Variants in NPY observed in about 807,000 individuals in gnomAD.
NPY encodes the protein neuropeptide Y, also known as pro-neuropeptide Y.
In NPY, 11 loss-of-function variants were observed where a neutral mutation model predicts 13.2. The observed-to-expected ratio is 0.83, with a 90% CI of 0.52 to 1.38. The LOEUF is 1.38. NPY is among the 40% of genes most tolerant of loss of function. The pLI, the probability that NPY is intolerant of heterozygous loss-of-function variation, is 0.00. For missense variants in NPY, 109 were observed against 125.1 expected (o/e 0.87, Z 0.61); for synonymous variants, 51 against 55.6 (o/e 0.92, Z 0.37).
chr7:24,288,711 A>G (rs1427927976), intron 2 of NPY, among the ~76,000 whole-genome samples: 1 of 144,362 alleles, frequency 6.9e-6, no homozygotes, highest in East Asian at 2.0e-4. Context: ...AAAAAAAAAG[A>G]ACATTTCCAT....
rs1248335278 is a variant in NPY, at chr7:24,285,714, T to G, written c.188+286T>G. The stretch of plus-strand genomic sequence containing the variant: ...CTCTCACTCACCTCTTATGGTTTGT[T>G]GTGGTTCTTACGGCAGTGGGGCCCG... On this transcript the variant is annotated intron_variant, in intron 2 of 3. Transcript: ENST00000242152. This position sits in a 1 kb window ranked among gnomAD's most constrained non-coding sequence, Gnocchi z 4.9. Among the ~76,000 whole-genome samples the G allele has an allele frequency of 6.6e-6, 1 of 152,050 alleles. No individual in the cohort carries two copies. Among genetic ancestry groups the G allele is most frequent in the Non-Finnish European group, 1.5e-5 (1 of 67,990 alleles).
intron 2 of NPY, among the ~76,000 whole-genome samples, chr7:24,288,419 G>A (rs1787470807): frequency 6.6e-6 from 1 of 152,044 alleles, no homozygotes; most frequent in Non-Finnish European, 1.5e-5. Context: ...AATTTTGCTT[G>A]GCAATTAGAA....
chr7:24,284,512 G>A lies in NPY; in HGVS notation c.-1+237G>A, dbSNP rs16144. ...ACGGCCCTTCTCCCGGGCCCTTCCCGCTGGGCGGTTCTTCTGAGTTACCTT... is the reference window on the plus strand; with the variant it reads ...ACGGCCCTTCTCCCGGGCCCTTCCCACTGGGCGGTTCTTCTGAGTTACCTT... On this transcript the variant is annotated intron_variant, in intron 1 of 3. Transcript: ENST00000242152. Among the ~76,000 whole-genome samples the A allele has an allele frequency of 2.4e-4, 36 of 152,286 alleles. No individual in the cohort carries two copies. In the East Asian group the frequency reaches 6.6e-3, roughly 28 times the overall value.
In NPY at chr7:24,285,994, T is replaced by C. The variant is rs1787359800; in HGVS notation, c.188+566T>C. ...TCTTCACTGTGTTTTTTTTGCAGTCTCACTCCCATATTTGAAAATTCTAGT... is the reference window on the plus strand; with the variant it reads ...TCTTCACTGTGTTTTTTTTGCAGTCCCACTCCCATATTTGAAAATTCTAGT... On this transcript the variant is annotated intron_variant, in intron 2 of 3. Transcript: ENST00000242152. This position sits in a 1 kb window ranked among gnomAD's most constrained non-coding sequence, Gnocchi z 4.9. Among the ~76,000 whole-genome samples, 4 of 152,328 alleles carry C rather than the reference T, an allele frequency of 2.6e-5. No homozygotes were observed. In the South Asian group the frequency reaches 8.3e-4, roughly 32 times the overall value.
At chr7:24,289,406 G>C in intron 2 of NPY, 93 bp from the exon 3 acceptor site, 1 of 794,474 alleles carries the variant, frequency 1.3e-6, no homozygotes, top group South Asian at 1.9e-5. Flanking sequence ...ATAATGTTTA[G>C]TTTTCATATC....
chr7:24,285,301 T>A lies in NPY; in HGVS notation c.61T>A (p.Cys21Ser). 1.2e-6 allele frequency: 2 copies of A among 1,614,078 alleles called. No homozygotes were observed. The highest frequency in any genetic ancestry group is 1.7e-6 in the Non-Finnish European group (2 of 1,180,008). The change falls in exon 2 of 4, where the codon TGC becomes AGC. Residue 21 changes from cysteine (C) to serine (S), a missense_variant. Coordinates refer to ENST00000242152, the MANE Select transcript of NPY (RefSeq NM_000905.4). This position sits in a 1 kb window ranked among gnomAD's most constrained non-coding sequence, Gnocchi z 4.9. ...GACCCTCGCCCTGTCCCTGCTCGTGTGCCTGGGTGCGCTGGCCGAGGCGTA... is the reference window on the plus strand; with the variant it reads ...GACCCTCGCCCTGTCCCTGCTCGTGAGCCTGGGTGCGCTGGCCGAGGCGTA... ...GLTLALSLLV[C>S]LGALAEAYPS...
rs1226209127 is a variant in NPY, at chr7:24,291,242, TTA to T, written c.270-418_270-417del. ...GTGCTATTTTATTATAAAGGTCTTA[TTA>T]TAGTCTAATAAGTAGCATCTTACTA... On this transcript the variant is annotated intron_variant, in intron 3 of 3. Transcript: ENST00000242152. Among the ~76,000 whole-genome samples, 687 of 150,784 alleles carry T rather than the reference TTA, an allele frequency of 4.6e-3. 38 individuals are homozygous for T. The East Asian group carries it at 0.1, about 22-fold the overall frequency.
chr7:24,285,137 G>C lies in NPY; in HGVS notation c.1-104G>C. The C allele has an allele frequency of 8.5e-7, 1 of 1,175,202 alleles. No homozygotes were observed. Among genetic ancestry groups the C allele is most frequent in the Non-Finnish European group, 1.3e-6 (1 of 799,760 alleles). 72.8% of individuals were successfully genotyped at this position (1,175,202 alleles called of 1,614,324 possible). A position where few individuals can be genotyped will look rare whatever the true frequency, so the allele number is the denominator to read the frequency against. ...CTGGGACGAGAGCGGATTGGGGGTC[G>C]CGTGTGGTAGCAGGAGGAGGAGCGC... On this transcript the variant is annotated intron_variant, in intron 1 of 3. Transcript: ENST00000242152. This position sits in a 1 kb window ranked among gnomAD's most constrained non-coding sequence, Gnocchi z 4.9.
chr7:24,290,367 C>T (rs1055446308), intron 3 of NPY, among the ~76,000 whole-genome samples: 3 of 152,116 alleles, frequency 2.0e-5, no homozygotes, highest in Non-Finnish European at 4.4e-5. Context: ...GATCATAGTT[C>T]ACAGGGTCCA....
chr7:24,287,126 G>C (rs1787419097), intron 2 of NPY, among the ~76,000 whole-genome samples: 1 of 152,164 alleles, frequency 6.6e-6, no homozygotes, highest in Non-Finnish European at 1.5e-5. Flanking sequence ...AGTGTCTTTG[G>C]ATGTTGTCAC....
chr7:24,291,656 T>G lies in NPY; in HGVS notation c.270-7T>G. ...TCCTTACATGCTTTGCTTCTTATGT[T>G]TTACAGGCTTGAAGACCCTGCAATG... On this transcript the variant is annotated splice_region_variant and splice_polypyrimidine_tract_variant and intron_variant, in intron 3 of 3. Coordinates refer to ENST00000242152, the MANE Select transcript of NPY (RefSeq NM_000905.4). The G allele has an allele frequency of 6.2e-7, 1 of 1,614,100 alleles. No individual in the cohort carries two copies. The highest frequency in any genetic ancestry group is 2.2e-5 in the East Asian group (1 of 44,886).
chr7:24,285,219 G>T lies in NPY; in HGVS notation c.1-22G>T. ...GTGCTCTGAATCCCCAAGCCCGTCC[G>T]TTGAGCCTTCTGTGCCTGCAGATGC... On this transcript the variant is annotated intron_variant, in intron 1 of 3. Coordinates refer to ENST00000242152, the MANE Select transcript of NPY (RefSeq NM_000905.4). This position sits in a 1 kb window ranked among gnomAD's most constrained non-coding sequence, Gnocchi z 4.9. 1 of 1,613,746 alleles carries T rather than the reference G, an allele frequency of 6.2e-7. No individual in the cohort carries two copies. Among genetic ancestry groups the T allele is most frequent in the Non-Finnish European group, 8.5e-7 (1 of 1,179,812 alleles).
Position 24,285,864 on chromosome 7 carries a change from A to G in NPY, c.188+436A>G, listed in dbSNP as rs1455473499. Among the ~76,000 whole-genome samples, 1 of 152,212 alleles carries G rather than the reference A, an allele frequency of 6.6e-6. No individual in the cohort carries two copies. The highest frequency in any genetic ancestry group is 2.4e-5 in the African/African-American group (1 of 41,448). On this transcript the variant is annotated intron_variant, in intron 2 of 3. Coordinates refer to ENST00000242152, the MANE Select transcript of NPY (RefSeq NM_000905.4). This position sits in a 1 kb window ranked among gnomAD's most constrained non-coding sequence, Gnocchi z 4.9. ...ACCACCAAAGAAAACCAAACCAAGG[A>G]GTAAACTGCAGGGTTGCCACAGACA...
Position 24,285,133 on chromosome 7 carries a change from G to A in NPY, c.1-108G>A. On this transcript the variant is annotated intron_variant, in intron 1 of 3. Transcript: ENST00000242152. This position sits in a 1 kb window ranked among gnomAD's most constrained non-coding sequence, Gnocchi z 4.9. Reference sequence around the variant, plus strand: ...GGGACTGGGACGAGAGCGGATTGGGGGTCGCGTGTGGTAGCAGGAGGAGGA... The same window carrying A: ...GGGACTGGGACGAGAGCGGATTGGGAGTCGCGTGTGGTAGCAGGAGGAGGA... 1.8e-6 allele frequency: 2 copies of A among 1,123,892 alleles called. No homozygotes were observed. The highest frequency in any genetic ancestry group is 2.7e-6 in the Non-Finnish European group (2 of 754,220). The allele number at this position is 1,123,892 out of a possible 1,614,324, so 69.6% of individuals were successfully genotyped here. A position where few individuals can be genotyped will look rare whatever the true frequency, so the allele number is the denominator to read the frequency against.
At position 24,285,107 on chromosome 7, in the gene NPY, C is replaced by T. The variant is rs1787310843; in HGVS notation, c.1-134C>T. The T allele has an allele frequency of 9.6e-6, 9 of 941,168 alleles. No homozygotes were observed. The highest frequency in any genetic ancestry group is 2.9e-4 in the Middle Eastern group (1 of 3,426). 58.3% of individuals were successfully genotyped at this position (941,168 alleles called of 1,614,324 possible). On this transcript the variant is annotated intron_variant, in intron 1 of 3. Transcript: ENST00000242152. The surrounding 1 kb of genome is among the most constrained non-coding windows in gnomAD (Gnocchi z 4.9). ...GCTAGCCACTCCTGGGTTCTCTCTG[C>T]GGGACTGGGACGAGAGCGGATTGGG...
rs371687880 is a variant in NPY at position 24,285,298 on chromosome 7, G to C, written c.58G>C (p.Val20Leu). 13 of 1,613,954 alleles carry C rather than the reference G, an allele frequency of 8.1e-6. No homozygotes were observed. The African/African-American group carries it at 1.7e-4, about 22-fold the overall frequency. Reference sequence around the variant, plus strand: ...ACTGACCCTCGCCCTGTCCCTGCTCGTGTGCCTGGGTGCGCTGGCCGAGGC... The same window carrying C: ...ACTGACCCTCGCCCTGTCCCTGCTCCTGTGCCTGGGTGCGCTGGCCGAGGC... ...SGLTLALSLL[V>L]CLGALAEAYP... Residue 20 changes from valine (V) to leucine (L), a missense_variant, in exon 2 of 4, where the codon GTG becomes CTG. Val to Leu is a conservative substitution (Grantham distance 32). Transcript: ENST00000242152. This position sits in a 1 kb window ranked among gnomAD's most constrained non-coding sequence, Gnocchi z 4.9.
intron 2 of NPY, among the ~76,000 whole-genome samples, chr7:24,288,215 G>C (rs376929416): frequency 6.6e-6 from 1 of 152,138 alleles, no homozygotes; most frequent in African/African-American, 2.4e-5. Flanking sequence ...AGACTTTTAC[G>C]ATTAGTAAAA....
intron 2 of NPY, among the ~76,000 whole-genome samples, chr7:24,287,075 A>G (rs997140380): frequency 3.3e-5 from 5 of 152,218 alleles, no homozygotes; most frequent in Admixed American, 1.3e-4. Context: ...ATTTCATGGA[A>G]GCTATTTTTA....
At chr7:24,284,426 C>T (rs1353532580) in intron 1 of NPY, among the ~76,000 whole-genome samples, 151 bp downstream of exon 1, 1 of 152,224 alleles carries the variant, frequency 6.6e-6, no homozygotes, top group Non-Finnish European at 1.5e-5. Flanking sequence ...CGCGCCCCGA[C>T]GCGGACCAGC....
Sources: gnomAD v4.1 joint callset for allele counts (sites outside exome capture counted in the v4.1 genomes callset) on GRCh38, gnomAD v4.1.1 for gene constraint, Gnocchi (gnomAD v3.1) non-coding constraint, MANE v1.5 for transcripts, NCBI Gene and HGNC (gene_info 2026-07-23, HGNC 2026-07-21) for gene names.